LYPD6: variants seen among roughly 807,000 people sequenced by gnomAD.
LYPD6 encodes LY6/PLAUR domain containing 6.
A neutral mutation model predicts 22.7 loss-of-function variants in LYPD6; 15 were observed. The observed-to-expected ratio is 0.66, with a 90% CI of 0.44 to 1.02. The LOEUF (loss-of-function observed/expected upper bound fraction) is 1.02. LYPD6 is among the 50% of genes least tolerant of loss of function. The pLI, the probability that LYPD6 is intolerant of heterozygous loss-of-function variation, is 0.00. For missense variants in LYPD6, 189 were observed against 208.4 expected, an observed-to-expected ratio of 0.91 and a Z score of 0.57; for synonymous variants, 72 against 77.5, an observed-to-expected ratio of 0.93 and a Z score of 0.37.
chr2:149,388,460 G>T (rs545728927), intron 1 of LYPD6, among the ~76,000 whole-genome samples: 5 of 152,310 alleles, frequency 3.3e-5, no homozygotes, highest in African/African-American at 1.2e-4. Flanking sequence ...GCCCTTTTGG[G>T]TGGGTGCCTG....
intron 1 of LYPD6, among the ~76,000 whole-genome samples, chr2:149,380,691 T>G (rs543722415): frequency 6.6e-6 from 1 of 152,156 alleles, no homozygotes; most frequent in Non-Finnish European, 1.5e-5. Context: ...TACAGAAGTA[T>G]GCAACTCAAT....
intron 3 of LYPD6, among the ~76,000 whole-genome samples, chr2:149,459,766 G>C (rs776760207): frequency 1.4e-4 from 21 of 152,090 alleles, no homozygotes; most frequent in Admixed American, 9.8e-4. Context: ...GCCAGGCTTG[G>C]TGGCAGGCAC....
Position 149,398,456 on chromosome 2 carries a change from T to C in LYPD6, c.-71-39182T>C, listed in dbSNP as rs544979723. Reference sequence around the variant, plus strand: ...GTGTGTGTGTGTGTGTGTATGTGTATGTGCACACTCGTTTTGTTGTTTTTG... The same window carrying C: ...GTGTGTGTGTGTGTGTGTATGTGTACGTGCACACTCGTTTTGTTGTTTTTG... On this transcript the variant is annotated intron_variant, in intron 1 of 4. Coordinates refer to ENST00000334166, the MANE Select transcript of LYPD6 (RefSeq NM_194317.5). Among the ~76,000 whole-genome samples the C allele has an allele frequency of 8.6e-5, 13 of 151,530 alleles. No homozygotes were observed. In the South Asian group the frequency reaches 2.7e-3, roughly 32 times the overall value.
intron 1 of LYPD6, among the ~76,000 whole-genome samples, chr2:149,420,983 C>T (rs1683065052): frequency 6.6e-6 from 1 of 152,146 alleles, no homozygotes; most frequent in Middle Eastern, 3.2e-3. Flanking sequence ...AAGGTCGCAT[C>T]CCATAGCAGT....
intron 1 of LYPD6, among the ~76,000 whole-genome samples, chr2:149,352,532 CAA>C (rs980369592): frequency 1.3e-5 from 2 of 152,120 alleles, no homozygotes; most frequent in Non-Finnish European, 2.9e-5. Flanking sequence ...GAGGTGTTCA[CAA>C]AGAGACCTTG....
intron 1 of LYPD6, among the ~76,000 whole-genome samples, chr2:149,434,921 AAAC>A (rs1269626266): frequency 2.7e-5 from 4 of 150,544 alleles, no homozygotes; most frequent in South Asian, 2.1e-4. Context: ...CTAAAAAACA[AAAC>A]AACAACAACA....
At chr2:149,478,377 GGT>G (rs55853638), downstream of LYPD6, among the ~76,000 whole-genome samples, 418 of 99,374 alleles carry the variant, frequency 4.2e-3, 1 homozygote, top group African/African-American at 8.6e-3. Flanking sequence ...GGTATATAGA[GGT>G]GTGTGTGTGT....
chr2:149,444,082 C>T (rs62190600), intron 2 of LYPD6, among the ~76,000 whole-genome samples: 40,529 of 151,526 alleles, frequency 0.27, 6,518 homozygotes, highest in African/African-American at 0.46. Context: ...CACAGGTGTG[C>T]GCCACCACGC....
the LYPD6 span, among the ~76,000 whole-genome samples, chr2:149,481,254 T>C: frequency 3.9e-5 from 6 of 152,204 alleles, no homozygotes; most frequent in Non-Finnish European, 8.8e-5. Context: ...AGAGTTAAAA[T>C]TGAGGTTGTG....
intron 1 of LYPD6, among the ~76,000 whole-genome samples, chr2:149,409,807 G>A (rs980331049): frequency 6.0e-4 from 92 of 152,272 alleles, no homozygotes; most frequent in African/African-American, 2.1e-3. Flanking sequence ...CCTACCGTGA[G>A]TAGGAGGGCT....
intron 2 of LYPD6, among the ~76,000 whole-genome samples, chr2:149,447,754 A>AC (rs1683719850): frequency 6.6e-6 from 1 of 152,238 alleles, no homozygotes; most frequent in South Asian, 2.1e-4. Context: ...GTATAAGTTG[A>AC]CATGAGTAAG....
intron 1 of LYPD6, among the ~76,000 whole-genome samples, chr2:149,360,365 G>A (rs1681548420): frequency 6.6e-6 from 1 of 152,114 alleles, no homozygotes. Context: ...AGCTCAGTAG[G>A]TCTCAGCCTT....
chr2:149,393,520 A>T (rs1682360503), intron 1 of LYPD6, among the ~76,000 whole-genome samples: 1 of 152,222 alleles, frequency 6.6e-6, no homozygotes, highest in Non-Finnish European at 1.5e-5. Context: ...TTTATCAAGA[A>T]TTAAGGCCCA....
At chr2:149,339,548 A>G (rs1234018703) in intron 1 of LYPD6, among the ~76,000 whole-genome samples, 1 of 152,208 alleles carries the variant, frequency 6.6e-6, no homozygotes, top group East Asian at 1.9e-4. Flanking sequence ...TTTTACTCTT[A>G]TCAGGTTGCT....
intron 1 of LYPD6, among the ~76,000 whole-genome samples, chr2:149,435,030 G>A (rs1322027465): frequency 6.6e-6 from 1 of 152,166 alleles, no homozygotes; most frequent in Non-Finnish European, 1.5e-5. Context: ...TGGAGATTGA[G>A]CCTTTAAGGA....
At chr2:149,380,389 G>C (rs1198661805) in intron 1 of LYPD6, among the ~76,000 whole-genome samples, 2 of 152,216 alleles carry the variant, frequency 1.3e-5, no homozygotes, top group Admixed American at 6.5e-5. Context: ...GGGAGCCCAG[G>C]TGGGAGGCTT....
At chr2:149,390,746 A>G (rs987194649) in intron 1 of LYPD6, among the ~76,000 whole-genome samples, 1 of 152,210 alleles carries the variant, frequency 6.6e-6, no homozygotes, top group Non-Finnish European at 1.5e-5. Flanking sequence ...TAACACACAG[A>G]GTAGTGTAGA....
intron 3 of LYPD6, among the ~76,000 whole-genome samples, chr2:149,451,782 A>G (rs772418268): frequency 7.9e-5 from 12 of 152,278 alleles, no homozygotes; most frequent in Non-Finnish European, 1.2e-4. Flanking sequence ...AAAGTCATGC[A>G]CTGAGGTTCA....
At chr2:149,403,145 G>A (rs546331743) in intron 1 of LYPD6, among the ~76,000 whole-genome samples, 1 of 151,992 alleles carries the variant, frequency 6.6e-6, no homozygotes, top group Non-Finnish European at 1.5e-5. Context: ...GGACATTTGG[G>A]TTGGTTCCAA....
Sources: allele counts gnomAD v4.1 joint callset (sites outside exome capture counted in the v4.1 genomes callset), GRCh38; gene constraint gnomAD v4.1.1; transcripts MANE v1.5; gene names NCBI Gene and HGNC (gene_info 2026-07-23, HGNC 2026-07-21).